The following XPA variants were observed in gnomAD, a reference collection of about 807,000 sequenced individuals.
XPA encodes DNA repair protein complementing XP-A cells.
Under a neutral mutation model 35.7 loss-of-function variants are expected in XPA, and 27 were observed. That is an observed-to-expected ratio of 0.76 (90% CI 0.56 to 1.04). XPA has a LOEUF of 1.04. XPA is among the 50% of genes least tolerant of loss of function. The pLI is 0.00. For missense variants in XPA, 354 were observed against 342.7 expected, an observed-to-expected ratio of 1.03 and a Z score of -0.26; for synonymous variants, 133 against 118.4, an observed-to-expected ratio of 1.12 and a Z score of -0.80.
downstream of XPA, chr9:97,674,879 A>G (rs1308544966): frequency 2.1e-6 from 1 of 470,600 alleles, no homozygotes; most frequent in South Asian, 1.7e-5. Context: ...AAGTCCCACA[A>G]TAGAGGCCCC....
chr9:97,684,783 G>T, intron 5 of XPA, 140 bp downstream of exon 5: 1 of 769,198 alleles, frequency 1.3e-6, no homozygotes, highest in Non-Finnish European at 2.2e-6. Flanking sequence ...CATACTGAGG[G>T]CAAACTGTAA....
At chr9:97,658,563 C>T in the XPA span, 1 of 1,104,308 alleles carries the variant, frequency 9.1e-7, no homozygotes, top group African/African-American at 1.6e-5. Flanking sequence ...GAGATCATGA[C>T]TTTCCAGGTA....
At chr9:97,686,962 T>C (rs561320208) in intron 4 of XPA, 134 bp downstream of exon 4, 2 of 825,928 alleles carry the variant, frequency 2.4e-6, no homozygotes, top group Non-Finnish European at 3.8e-6. Flanking sequence ...TCATTATACA[T>C]GACTGTGAAG....
intron 1 of XPA, among the ~76,000 whole-genome samples, chr9:97,696,346 A>G (rs1360139306): frequency 1.3e-5 from 2 of 152,192 alleles, no homozygotes; most frequent in Non-Finnish European, 2.9e-5. Flanking sequence ...TTATTAGTTG[A>G]CCCCAGTGGC....
chr9:97,670,024 G>C, downstream of XPA: 1 of 386,076 alleles, frequency 2.6e-6, no homozygotes, highest in Non-Finnish European at 4.9e-6. Flanking sequence ...CTAGGTTTAA[G>C]CAATTCTTCT....
chr9:97,674,885 G>A (rs772451254), downstream of XPA: 2 of 480,440 alleles, frequency 4.2e-6, no homozygotes, highest in South Asian at 3.3e-5. Context: ...CACAATAGAG[G>A]CCCCAAGAGT....
chr9:97,674,175 A>C (rs868156562), downstream of XPA, among the ~76,000 whole-genome samples: 2 of 151,066 alleles, frequency 1.3e-5, no homozygotes, highest in Non-Finnish European at 2.9e-5. Context: ...CTGAACCCCT[A>C]GTTATTCTGT....
At chr9:97,661,941 CTG>C in the XPA span, 34 of 642,324 alleles carry the variant, frequency 5.3e-5, no homozygotes, top group African/African-American at 5.7e-4. Context: ...ACACAAATAT[CTG>C]TGTATAGATG....
At chr9:97,679,425 G>A (rs1180198344) in intron 5 of XPA, among the ~76,000 whole-genome samples, 1 of 152,082 alleles carries the variant, frequency 6.6e-6, no homozygotes, top group Non-Finnish European at 1.5e-5. Context: ...AAAAAGACAG[G>A]AGCTACCTTG....
At position 97,697,071 on chromosome 9, in the gene XPA, G is replaced by T. The variant is rs1224433896; in HGVS notation, c.172+50C>A. On this transcript the variant is annotated intron_variant, in intron 1 of 5. Coordinates refer to ENST00000375128, the MANE Select transcript of XPA (RefSeq NM_000380.4). ...CTCGGCTTGCACGAGCCAGTCTGGG[G>T]ACCGGGGAGGCGGGGAGAGGGAAGG... 2.0e-6 allele frequency: 3 copies of T among 1,501,100 alleles called. No homozygotes were observed. The East Asian group carries it at 7.6e-5, about 38-fold the overall frequency. The allele number at this position is 1,501,100 out of a possible 1,614,324, so 93.0% of individuals were successfully genotyped here. A position where few individuals can be genotyped will look rare whatever the true frequency, so the allele number is the denominator to read the frequency against.
downstream of XPA, chr9:97,672,554 A>T (rs1238838444): frequency 6.6e-6 from 1 of 152,180 alleles, no homozygotes; most frequent in Non-Finnish European, 1.5e-5. Context: ...GTTTTCGTTT[A>T]TACTGTTTAT....
chr9:97,678,122 T>C (rs926337691), intron 5 of XPA, among the ~76,000 whole-genome samples: 3 of 152,160 alleles, frequency 2.0e-5, no homozygotes, highest in African/African-American at 7.2e-5. Context: ...GACATAAGGC[T>C]GGGCATGGTG....
At chr9:97,655,961 G>C in the XPA span, 1 of 1,520,972 alleles carries the variant, frequency 6.6e-7, no homozygotes, top group Admixed American at 1.7e-5. Flanking sequence ...ACAAATGGGT[G>C]TAAGTGCAGA....
chr9:97,681,635 T>C (rs548517562), intron 5 of XPA, among the ~76,000 whole-genome samples: 1 of 152,334 alleles, frequency 6.6e-6, no homozygotes, highest in South Asian at 2.1e-4. Flanking sequence ...CTCTACCTTA[T>C]TTATAGAGTA....
the XPA span, chr9:97,668,801 T>C: frequency 1.3e-6 from 2 of 1,594,576 alleles, no homozygotes; most frequent in Non-Finnish European, 1.7e-6. Context: ...TTTAACACAC[T>C]GGAATCTAAA....
chr9:97,660,910 A>T, the XPA span: 1 of 1,577,912 alleles, frequency 6.3e-7, no homozygotes, highest in East Asian at 2.3e-5. Context: ...TTGAAACCTG[A>T]TCTGTCATTC....
the XPA span, among the ~76,000 whole-genome samples, chr9:97,659,460 T>A: frequency 1.3e-5 from 2 of 152,212 alleles, no homozygotes; most frequent in Non-Finnish European, 2.9e-5. Flanking sequence ...TGTACCTGTT[T>A]TCCTTGAAAT....
chr9:97,693,549 T>A (rs1828954119), intron 2 of XPA, 100 bp downstream of exon 2: 3 of 1,042,724 alleles, frequency 2.9e-6, no homozygotes, highest in Non-Finnish European at 4.4e-6. Context: ...ACTCACTGAT[T>A]AAAGTAGTTA....
At chr9:97,667,004 T>C in the XPA span, 1 of 665,226 alleles carries the variant, frequency 1.5e-6, no homozygotes, top group Admixed American at 3.5e-5. Context: ...AGCAGAAATT[T>C]TTCTGAGCCC....
Sources: allele counts gnomAD v4.1 joint callset (sites outside exome capture counted in the v4.1 genomes callset), GRCh38; gene constraint gnomAD v4.1.1; transcripts MANE v1.5; gene names NCBI Gene and HGNC (gene_info 2026-07-23, HGNC 2026-07-21).